Variants in CFAP53 observed in about 807,000 individuals in gnomAD.
CFAP53 encodes the protein cilia- and flagella-associated protein 53.
A neutral mutation model predicts 59.7 loss-of-function variants in CFAP53; 62 were observed. That is an observed-to-expected ratio of 1.04 (90% CI 0.85 to 1.28). CFAP53 has a LOEUF of 1.28. Among genes scored for constraint, CFAP53 ranks in the 50% most tolerant of loss-of-function variants. CFAP53 has a pLI of 0.00. For missense variants in CFAP53, 629 were observed against 615.6 expected (o/e 1.02, Z -0.23); for synonymous variants, 218 against 205.7 (o/e 1.06, Z -0.51).
Position 50,228,560 on chromosome 18 carries a change from T to A in CFAP53, c.1317-951A>T, listed in dbSNP as rs189398569. 1.9e-3 allele frequency among the ~76,000 whole-genome samples: 282 copies of A among 151,874 alleles called. 1 individual carries two copies. Among genetic ancestry groups the A allele is most frequent in the African/African-American group, 6.6e-3 (272 of 41,402 alleles). ...AATCCCAGCACTTGGGAGGCTGAGG[T>A]TGGGTGGATCACCTGAGGTCAGGAG... On this transcript the variant is annotated intron_variant, in intron 7 of 7. Transcript: ENST00000398545.
chr18:50,237,745 T>C (rs1284044540), intron 7 of CFAP53, among the ~76,000 whole-genome samples: 7 of 152,150 alleles, frequency 4.6e-5, no homozygotes, highest in African/African-American at 1.7e-4. Flanking sequence ...TTCCCCCACC[T>C]GAGCCTGGTT....
rs757034633 is a variant in CFAP53 at position 50,261,983 on chromosome 18, G to A, written c.299+7C>T. On this transcript the variant is annotated splice_region_variant and intron_variant, in intron 2 of 7. Transcript: ENST00000398545. ...CATGGTTTATGTCCCAGGTTTGTGA[G>A]CCTTACTTATTTCGTCTTTCTTCAA... 4.7e-5 allele frequency: 75 copies of A among 1,595,642 alleles called. 1 individual carries two copies. The South Asian group carries it at 7.7e-4, about 16-fold the overall frequency.
chr18:50,245,406 A>C (rs896167196), intron 5 of CFAP53, among the ~76,000 whole-genome samples: 81 of 152,010 alleles, frequency 5.3e-4, no homozygotes, highest in Admixed American at 2.3e-3. Context: ...AAAAAAAAAA[A>C]AAACTAATAA....
chr18:50,250,961 G>C lies in CFAP53; in HGVS notation c.793C>G (p.Gln265Glu). 1 of 1,613,824 alleles carries C rather than the reference G, an allele frequency of 6.2e-7. No individual in the cohort carries two copies. The highest frequency in any genetic ancestry group is 1.7e-4 in the Middle Eastern group (1 of 6,034). ...TCCTGTTCATTCTCATGTTTAATCT[G>C]TGCGTTGTTACTTTCCTAAGGTAGA... The part of the protein sequence containing the change: ...EARLVESNNA[Q>E]IKHENEQDML... The change falls in exon 5 of 8, where the codon CAG becomes GAG. Residue 265 changes from glutamine to glutamate, a missense_variant. Transcript: ENST00000398545.
In CFAP53 at chr18:50,238,607, C is replaced by CA; in HGVS notation, c.1311dup (p.Ala438CysfsTer37). On this transcript the variant is annotated frameshift_variant, in exon 7 of 8. Transcript: ENST00000398545. LOFTEE classifies it low-confidence loss of function (END_TRUNC). Reference sequence around the variant, plus strand: ...ATACAGAAAACAAAATCATACCTTGCAAAATTCTCCTTCTCTTCACAGTTA... The same window carrying CA: ...ATACAGAAAACAAAATCATACCTTGCAAAAATTCTCCTTCTCTTCACAGTTA... 1 of 1,605,748 alleles carries CA rather than the reference C, an allele frequency of 6.2e-7. No individual in the cohort carries two copies. Among genetic ancestry groups the CA allele is most frequent in the Non-Finnish European group, 8.5e-7 (1 of 1,175,868 alleles).
chr18:50,247,428 G>A (rs372699140), intron 5 of CFAP53, among the ~76,000 whole-genome samples: 10 of 152,274 alleles, frequency 6.6e-5, no homozygotes, highest in East Asian at 5.8e-4. Context: ...CAGAGTTACC[G>A]TATGGCCCAG....
intron 3 of CFAP53, among the ~76,000 whole-genome samples, chr18:50,257,146 G>T (rs532762909): frequency 1.3e-5 from 2 of 151,964 alleles, no homozygotes; most frequent in Non-Finnish European, 2.9e-5. Context: ...AGATGAAATC[G>T]ATGATTTAGG....
intron 6 of CFAP53, among the ~76,000 whole-genome samples, chr18:50,241,290 T>C (rs528199715): frequency 6.6e-6 from 1 of 152,296 alleles, no homozygotes; most frequent in African/African-American, 2.4e-5. Context: ...ACTTTGAGTA[T>C]GGTCTCCAAA....
intron 5 of CFAP53, among the ~76,000 whole-genome samples, chr18:50,245,476 T>C (rs968149605): frequency 6.6e-6 from 1 of 152,168 alleles, no homozygotes; most frequent in Non-Finnish European, 1.5e-5. Flanking sequence ...GTATTCCTAT[T>C]TGACAGCATC....
Position 50,243,091 on chromosome 18 carries a change from A to G in CFAP53, c.1022T>C (p.Ile341Thr). Residue 341 changes from isoleucine (I) to threonine (T), a missense_variant, in exon 6 of 8, where the codon ATA (isoleucine) becomes ACA (threonine). Ile to Thr is a moderately conservative substitution (Grantham distance 89, BLOSUM62 -1). Coordinates refer to ENST00000398545, the MANE Select transcript of CFAP53 (RefSeq NM_145020.5). ...TCTCTGTGCCAAATATTTATGGTAT[A>G]TCTTCTGTTCTCTTATCATATCTTC... ...KREDMIREQKIYHKYLAQRRE... is the reference protein window; with the variant it reads ...KREDMIREQKTYHKYLAQRRE... 1 of 1,612,778 alleles carries G rather than the reference A, an allele frequency of 6.2e-7. No individual in the cohort carries two copies. The highest frequency in any genetic ancestry group is 8.5e-7 in the Non-Finnish European group (1 of 1,179,366).
chr18:50,232,953 C>A (rs1356081898), intron 7 of CFAP53, among the ~76,000 whole-genome samples: 2 of 152,180 alleles, frequency 1.3e-5, no homozygotes, highest in Non-Finnish European at 2.9e-5. Flanking sequence ...CATCCTAACC[C>A]CTGATTTTGT....
chr18:50,242,876 T>C (rs1454738498), intron 6 of CFAP53, 24 bp downstream of exon 6: 2 of 1,577,080 alleles, frequency 1.3e-6, no homozygotes, highest in South Asian at 1.1e-5. Context: ...CAAGCTATAA[T>C]ATAACTGTAA....
intron 5 of CFAP53, among the ~76,000 whole-genome samples, chr18:50,243,584 G>T (rs1445145880): frequency 6.6e-6 from 1 of 152,130 alleles, no homozygotes; most frequent in Non-Finnish European, 1.5e-5. Flanking sequence ...TCTCTGGCTG[G>T]TAGTCATTTT....
chr18:50,266,486 G>A lies in CFAP53; in HGVS notation c.-82C>T, dbSNP rs1434919899. On this transcript the variant is annotated 5_prime_UTR_variant, in exon 1 of 8. Coordinates refer to ENST00000398545, the MANE Select transcript of CFAP53 (RefSeq NM_145020.5). The stretch of plus-strand genomic sequence containing the variant: ...GACCTGCGGGACCCGCTTCCGCGAC[G>A]CAGAAGTCTGGTTGCCATGGTGCGC... 1.4e-6 allele frequency: 2 copies of A among 1,397,482 alleles called. No individual in the cohort carries two copies. The highest frequency in any genetic ancestry group is 1.0e-6 in the Non-Finnish European group (1 of 983,148). 86.6% of individuals were successfully genotyped at this position (1,397,482 alleles called of 1,614,324 possible).
intron 7 of CFAP53, among the ~76,000 whole-genome samples, chr18:50,229,547 T>C (rs1418218741): frequency 6.6e-6 from 1 of 152,220 alleles, no homozygotes; most frequent in Non-Finnish European, 1.5e-5. Context: ...TGAATATTTC[T>C]GTGCAAATAT....
intron 6 of CFAP53, 86 bp downstream of exon 6, chr18:50,242,814 A>G: frequency 9.1e-7 from 1 of 1,096,926 alleles, no homozygotes; most frequent in Non-Finnish European, 1.4e-6. Flanking sequence ...GTTTTACATA[A>G]TAAGTATTAT....
intron 4 of CFAP53, 86 bp from the exon 5 acceptor site, chr18:50,251,062 G>C: frequency 9.0e-7 from 1 of 1,113,332 alleles, no homozygotes; most frequent in Non-Finnish European, 1.3e-6. Flanking sequence ...TGGGAATAAA[G>C]GATTTCTGGA....
At chr18:50,231,783 A>G (rs1355828901) in intron 7 of CFAP53, among the ~76,000 whole-genome samples, 1 of 152,242 alleles carries the variant, frequency 6.6e-6, no homozygotes, top group African/African-American at 2.4e-5. Context: ...AAGCTCATTC[A>G]GAGCAAATTC....
chr18:50,266,347 CT>C lies in CFAP53; in HGVS notation c.57del (p.Val20TrpfsTer2). Reference sequence around the variant, plus strand: ...TATCCTGTGCTTACCACGATCACCACTTTGGGGGTGGGGCCCTTAACCTCCC... The same window carrying C: ...TATCCTGTGCTTACCACGATCACCACTTGGGGGTGGGGCCCTTAACCTCCC... Reference protein sequence around the residue: ...VQREVKGPTPKVVIVRSKPPK... With the variant: ...VQREVKGPTPXVVIVRSKPPK... On this transcript the variant is annotated frameshift_variant, in exon 1 of 8. Coordinates refer to ENST00000398545, the MANE Select transcript of CFAP53 (RefSeq NM_145020.5). LOFTEE classifies it high-confidence loss of function. 1 of 1,614,258 alleles carries C rather than the reference CT, an allele frequency of 6.2e-7. No homozygotes were observed. Among genetic ancestry groups the C allele is most frequent in the Non-Finnish European group, 8.5e-7 (1 of 1,180,034 alleles).
Sources: gnomAD v4.1 joint callset for allele counts (sites outside exome capture counted in the v4.1 genomes callset) on GRCh38, gnomAD v4.1.1 for gene constraint, MANE v1.5 for transcripts, NCBI Gene and HGNC (gene_info 2026-07-23, HGNC 2026-07-21) for gene names.